The following FRYL variants were observed in gnomAD, a reference collection of about 807,000 sequenced individuals.
FRYL encodes protein furry homolog-like.
In FRYL, 150 loss-of-function variants were observed where a neutral mutation model predicts 351.2. The ratio of observed to expected loss-of-function variants is 0.43; its 90% CI spans 0.37 to 0.49. FRYL has a LOEUF of 0.49. Ranked by LOEUF, FRYL falls within the 20% of genes least tolerant of loss-of-function variation. FRYL has a pLI of 0.00. For synonymous variants in FRYL, 1,153 were observed against 1,257.1 expected (o/e 0.92, Z 1.75); for missense variants, 3,036 against 3,619.3 (o/e 0.84, Z 4.13).
chr4:48,704,569 T>C (rs545840257), intron 2 of FRYL, among the ~76,000 whole-genome samples: 3 of 152,060 alleles, frequency 2.0e-5, no homozygotes, highest in African/African-American at 4.8e-5. Context: ...TCCCAGCACA[T>C]TGGGAGGCCA....
chr4:48,656,543 ATAATGTATATAG>A (rs1304590268), intron 3 of FRYL, among the ~76,000 whole-genome samples: 1 of 123,764 alleles, frequency 8.1e-6, no homozygotes, highest in South Asian at 2.6e-4. Context: ...TGCATTATAT[ATAATGTATATAG>A]TAATGTATAC....
At position 48,632,110 on chromosome 4, in the gene FRYL, A is replaced by ATG. The variant is rs1553957678; in HGVS notation, c.120+2180_120+2181insCA. Among the ~76,000 whole-genome samples, 186 of 94,728 alleles carry ATG rather than the reference A, an allele frequency of 2.0e-3. 5 individuals are homozygous for ATG. Among genetic ancestry groups the ATG allele is most frequent in the East Asian group, 8.2e-3 (27 of 3,306 alleles). 62.1% of individuals were successfully genotyped at this position (94,728 alleles called of 152,430 possible). A position where few individuals can be genotyped will look rare whatever the true frequency, so the allele number is the denominator to read the frequency against. ...AAAAAAAATATATATATATATATAT[A>ATG]TATATATATATATATATATGCGCAC... is the stretch of plus-strand genomic sequence containing the variant. On this transcript the variant is annotated intron_variant, in intron 4 of 63. Coordinates refer to ENST00000358350, the MANE Select transcript of FRYL (RefSeq NM_015030.2).
At chr4:48,579,386 G>A in intron 22 of FRYL, 145 bp from the exon 23 acceptor site, 1 of 630,258 alleles carries the variant, frequency 1.6e-6, no homozygotes, top group East Asian at 2.9e-5. Context: ...AGGGAGTAGA[G>A]AATTCCTGAA....
intron 3 of FRYL, among the ~76,000 whole-genome samples, chr4:48,673,629 G>A (rs1763073614): frequency 6.6e-6 from 1 of 152,172 alleles, no homozygotes; most frequent in Non-Finnish European, 1.5e-5. Context: ...CAATGCAATA[G>A]AGTAGAAGGA....
chr4:48,599,049 G>A (rs1012875452), intron 13 of FRYL, among the ~76,000 whole-genome samples: 1 of 151,902 alleles, frequency 6.6e-6, no homozygotes, highest in African/African-American at 2.4e-5. Flanking sequence ...TCACGATTTG[G>A]GCATCATGTA....
chr4:48,698,961 G>C (rs1766463185), intron 2 of FRYL, among the ~76,000 whole-genome samples: 2 of 152,068 alleles, frequency 1.3e-5, no homozygotes, highest in Admixed American at 6.5e-5. Context: ...AACAACAGCA[G>C]CAACGACTAA....
At chr4:48,646,967 C>T (rs561291448) in intron 3 of FRYL, among the ~76,000 whole-genome samples, 10 of 152,142 alleles carry the variant, frequency 6.6e-5, no homozygotes, top group East Asian at 3.9e-4. Context: ...TATAGACACA[C>T]GGCTAGGGAG....
chr4:48,609,146 C>T (rs1430878913), intron 8 of FRYL, 79 bp from the exon 9 acceptor site: 11 of 819,422 alleles, frequency 1.3e-5, no homozygotes, highest in Middle Eastern at 3.2e-4. Context: ...ATGAAAATTC[C>T]TTATCAGAGT....
chr4:48,686,033 G>A (rs1291813000), intron 2 of FRYL, among the ~76,000 whole-genome samples: 2 of 152,144 alleles, frequency 1.3e-5, no homozygotes, highest in Non-Finnish European at 1.5e-5. Flanking sequence ...GAGCCACCAT[G>A]CCTGGCTGGT....
In FRYL at chr4:48,570,883, T is replaced by C; in HGVS notation, c.2940A>G (p.Arg980=). The C allele has an allele frequency of 6.2e-7, 1 of 1,613,962 alleles. No homozygotes were observed. The highest frequency in any genetic ancestry group is 1.1e-5 in the South Asian group (1 of 91,078). ...MKRRRRRDIL[R]VQLVRIFELL... Reference sequence around the variant, plus strand: ...GTTCAAATATTCGTACCAGTTGTACTCGTAAAATGTCTCGACGCCTGCGCC... The same window carrying C: ...GTTCAAATATTCGTACCAGTTGTACCCGTAAAATGTCTCGACGCCTGCGCC... Residue 980 remains arginine, a synonymous_variant, in exon 27 of 64, where the codon CGA becomes CGG. Coordinates refer to ENST00000358350, the MANE Select transcript of FRYL (RefSeq NM_015030.2).
At chr4:48,632,313 T>A (rs1753380843) in intron 4 of FRYL, among the ~76,000 whole-genome samples, 1 of 149,946 alleles carries the variant, frequency 6.7e-6, no homozygotes, top group Non-Finnish European at 1.5e-5. Context: ...TAATCTTTAG[T>A]TTTATATATG....
chr4:48,627,763 G>C (rs1407982302), intron 4 of FRYL, among the ~76,000 whole-genome samples: 1 of 152,068 alleles, frequency 6.6e-6, no homozygotes, highest in African/African-American at 2.4e-5. Flanking sequence ...TGCTCAAGTA[G>C]ATGTACTGTG....
At chr4:48,508,402 C>A (rs576724314) in intron 59 of FRYL, among the ~76,000 whole-genome samples, 1 of 152,110 alleles carries the variant, frequency 6.6e-6, no homozygotes, top group East Asian at 1.9e-4. Context: ...GTATATAGTC[C>A]TCCATTTAGG....
At chr4:48,609,921 G>A (rs1747711283) in intron 7 of FRYL, 98 bp from the exon 8 acceptor site, 3 of 555,916 alleles carry the variant, frequency 5.4e-6, no homozygotes, top group Non-Finnish European at 9.4e-6. Flanking sequence ...CAATCTTAAT[G>A]TTCATGGGAT....
intron 2 of FRYL, among the ~76,000 whole-genome samples, chr4:48,704,890 A>G (rs558697833): frequency 6.6e-6 from 1 of 151,096 alleles, no homozygotes. Flanking sequence ...CGGAGGTTGC[A>G]GTAAGCCGAG....
chr4:48,509,703 G>A (rs376582406), intron 59 of FRYL, among the ~76,000 whole-genome samples: 2 of 152,172 alleles, frequency 1.3e-5, no homozygotes, highest in East Asian at 3.9e-4. Context: ...TACACATCAT[G>A]GGAAAAAGAT....
At chr4:48,687,515 G>GGGGGGGGA (rs1765272654) in intron 2 of FRYL, among the ~76,000 whole-genome samples, 1 of 118,028 alleles carries the variant, frequency 8.5e-6, no homozygotes, top group Non-Finnish European at 1.8e-5. Context: ...GGTGAGGGGG[G>GGGGGGGGA]AGGGGGGCGG....
chr4:48,695,751 G>A (rs1216704460), intron 2 of FRYL, among the ~76,000 whole-genome samples: 1 of 152,038 alleles, frequency 6.6e-6, no homozygotes, highest in Non-Finnish European at 1.5e-5. Context: ...GCAACCTACA[G>A]AATGGCAAAA....
chr4:48,598,153 G>T (rs998937912), intron 13 of FRYL, among the ~76,000 whole-genome samples: 5 of 152,098 alleles, frequency 3.3e-5, no homozygotes, highest in African/African-American at 1.2e-4. Flanking sequence ...GTCTCAGCTT[G>T]AACTCAGGAG....
Sources: allele counts gnomAD v4.1 joint callset (sites outside exome capture counted in the v4.1 genomes callset), GRCh38; gene constraint gnomAD v4.1.1; transcripts MANE v1.5; gene names NCBI Gene and HGNC (gene_info 2026-07-23, HGNC 2026-07-21).